Variants in BBS9 observed in about 807,000 individuals in gnomAD.
BBS9 encodes Bardet-Biedl syndrome 9, also known as protein PTHB1.
In BBS9, 89 loss-of-function variants were observed where a neutral mutation model predicts 117.7. That is an observed-to-expected ratio of 0.76 (90% CI 0.64 to 0.90). The LOEUF (loss-of-function observed/expected upper bound fraction) is 0.90. Ranked by LOEUF, BBS9 falls within the 40% of genes least tolerant of loss-of-function variation. The pLI, the probability that BBS9 is intolerant of heterozygous loss-of-function variation, is 0.00. For missense variants in BBS9, 982 were observed against 1,042.2 expected (o/e 0.94, Z 0.80); for synonymous variants, 379 against 370.9 (o/e 1.02, Z -0.25).
At chr7:33,210,526 G>C (rs1421407974) in intron 5 of BBS9, among the ~76,000 whole-genome samples, 8 of 151,952 alleles carry the variant, frequency 5.3e-5, no homozygotes, top group Non-Finnish European at 1.2e-4. Context: ...TGTCTTTTTA[G>C]CTCTAGTGAT....
chr7:33,362,453 G>A (rs1201702116), intron 16 of BBS9, among the ~76,000 whole-genome samples: 1 of 152,074 alleles, frequency 6.6e-6, no homozygotes, highest in African/African-American at 2.4e-5. Flanking sequence ...TGTGATGTGA[G>A]GGATGGATGA....
chr7:33,604,937 C>T lies in BBS9; in HGVS notation c.2594C>T (p.Thr865Ile), dbSNP rs367869428. The change falls in exon 22 of 23, where the codon ACC becomes ATC. Residue 865 changes from threonine (T) to isoleucine (I), a missense_variant. Transcript: ENST00000242067. ...GAACAAGACTCTACAGAACTGTTTA[C>T]CAACCACAGACATCTCACTGCAGAG... ...SVEQDSTELFTNHRHLTAETP... is the reference protein window; with the variant it reads ...SVEQDSTELFINHRHLTAETP... 1 of 1,613,508 alleles carries T rather than the reference C, an allele frequency of 6.2e-7. No homozygotes were observed. Among genetic ancestry groups the T allele is most frequent in the African/African-American group, 1.3e-5 (1 of 74,900 alleles).
intron 19 of BBS9, among the ~76,000 whole-genome samples, chr7:33,390,975 G>T (rs1248415675): frequency 6.6e-6 from 1 of 152,034 alleles, no homozygotes; most frequent in African/African-American, 2.4e-5. Context: ...ATTTGTAATG[G>T]TTACATAATA....
intron 19 of BBS9, among the ~76,000 whole-genome samples, chr7:33,490,025 G>A (rs146508593): frequency 2.0e-5 from 3 of 152,210 alleles, no homozygotes; most frequent in African/African-American, 7.2e-5. Flanking sequence ...CTAGTAAATG[G>A]ATTCTATTAG....
chr7:33,347,268 C>G (rs761829575), intron 12 of BBS9, among the ~76,000 whole-genome samples: 16 of 151,806 alleles, frequency 1.1e-4, no homozygotes, highest in Non-Finnish European at 2.1e-4. Flanking sequence ...TAATATTATT[C>G]ATTTTATTTA....
chr7:33,622,558 A>G (rs575555365), intron 21 of BBS9, among the ~76,000 whole-genome samples: 1 of 152,316 alleles, frequency 6.6e-6, no homozygotes, highest in African/African-American at 2.4e-5. Flanking sequence ...GTATACCGTA[A>G]ATATATACAA....
intron 14 of BBS9, chr7:33,351,536 C>T (rs975384099): frequency 5.4e-6 from 3 of 559,996 alleles, no homozygotes; most frequent in Non-Finnish European, 9.7e-6. Context: ...ATGTTTGGTT[C>T]CCTCTTTTCA....
chr7:33,323,050 T>A, intron 9 of BBS9, among the ~76,000 whole-genome samples: 1 of 152,144 alleles, frequency 6.6e-6, no homozygotes, highest in Non-Finnish European at 1.5e-5. Flanking sequence ...TTTCCAAAAT[T>A]CCTCTTGTTA....
At chr7:33,383,582 A>G (rs1432610591) in intron 17 of BBS9, 84 bp from the exon 18 acceptor site, 4 of 1,236,782 alleles carry the variant, frequency 3.2e-6, no homozygotes, top group East Asian at 5.0e-5. Context: ...TTGAACTTTT[A>G]AAGTCAGGAT....
intron 10 of BBS9, 116 bp downstream of exon 10, chr7:33,336,738 C>A: frequency 1.3e-6 from 1 of 765,792 alleles, no homozygotes; most frequent in Non-Finnish European, 2.1e-6. Flanking sequence ...TAATTAAAAT[C>A]ATATTTGTAA....
chr7:33,129,310 C>A, upstream of BBS9: 1 of 548,354 alleles, frequency 1.8e-6, no homozygotes, highest in Non-Finnish European at 3.2e-6. Context: ...GCCCCCGGAG[C>A]CCAGGCAGGA....
rs563240558 is a variant in BBS9 at position 33,259,541 on chromosome 7, A to AT, written c.617+2144dup. Among the ~76,000 whole-genome samples the AT allele has an allele frequency of 4.2e-3, 615 of 144,964 alleles. 2 individuals are homozygous for AT. Among genetic ancestry groups the AT allele is most frequent in the South Asian group, 5.2e-3 (24 of 4,574 alleles). ...GTAAGAGAATTGTTTGCCCTGAGACATTTTTTTTTTTTTAATAGAGACGGG... is the reference window on the plus strand; with the variant it reads ...GTAAGAGAATTGTTTGCCCTGAGACATTTTTTTTTTTTTTAATAGAGACGGG... On this transcript the variant is annotated intron_variant, in intron 6 of 22. Coordinates refer to ENST00000242067, the MANE Select transcript of BBS9 (RefSeq NM_198428.3).
chr7:33,614,879 C>G (rs1328158183), intron 21 of BBS9, among the ~76,000 whole-genome samples: 2 of 152,084 alleles, frequency 1.3e-5, no homozygotes, highest in East Asian at 3.9e-4. Flanking sequence ...TCCTTCTTAA[C>G]AAGGCCTTCC....
chr7:33,150,372 C>T (rs1010812584), intron 2 of BBS9, among the ~76,000 whole-genome samples: 3 of 152,176 alleles, frequency 2.0e-5, no homozygotes, highest in Non-Finnish European at 2.9e-5. Flanking sequence ...CCTCCTTGTT[C>T]AGCTGGCTAT....
chr7:33,314,781 C>T (rs753430508), intron 9 of BBS9, among the ~76,000 whole-genome samples: 16 of 152,116 alleles, frequency 1.1e-4, no homozygotes, highest in African/African-American at 2.9e-4. Context: ...AAAGTTGACA[C>T]ACATGCACAA....
rs150570189 is a variant in BBS9 at position 33,130,735 on chromosome 7, T to TA, written c.-12+704dup. The stretch of plus-strand genomic sequence containing the variant: ...TTTTTTCATGAATATACGGAAGAAT[T>TA]AAAAAAAAAACTAGAAAACCCAGAA... On this transcript the variant is annotated intron_variant, in intron 1 of 22. Coordinates refer to ENST00000242067, the MANE Select transcript of BBS9 (RefSeq NM_198428.3). Among the ~76,000 whole-genome samples, 2,994 of 148,894 alleles carry TA rather than the reference T, an allele frequency of 0.02. 190 individuals are homozygous for TA. The East Asian group carries it at 0.25, about 12-fold the overall frequency.
intron 5 of BBS9, among the ~76,000 whole-genome samples, chr7:33,229,879 G>T (rs551545892): frequency 1.2e-4 from 19 of 152,050 alleles, no homozygotes; most frequent in African/African-American, 4.1e-4. Flanking sequence ...TCCACCAACG[G>T]TATACAAGAG....
At chr7:33,246,726 C>G (rs1795391400) in intron 5 of BBS9, among the ~76,000 whole-genome samples, 1 of 151,912 alleles carries the variant, frequency 6.6e-6, no homozygotes, top group African/African-American at 2.4e-5. Flanking sequence ...TCTGTCTTGT[C>G]TTTCTTAGGG....
intron 9 of BBS9, among the ~76,000 whole-genome samples, chr7:33,313,885 A>G (rs1234061642): frequency 2.0e-5 from 3 of 152,212 alleles, no homozygotes; most frequent in Non-Finnish European, 2.9e-5. Flanking sequence ...AGAAGTCAGC[A>G]TGGCATAGAG....
Sources: allele counts gnomAD v4.1 joint callset (sites outside exome capture counted in the v4.1 genomes callset), GRCh38; gene constraint gnomAD v4.1.1; transcripts MANE v1.5; gene names NCBI Gene and HGNC (gene_info 2026-07-23, HGNC 2026-07-21).